The following STRADA variants were observed in gnomAD, a reference collection of about 807,000 sequenced individuals.
STRADA encodes STE20 related adaptor alpha, also known as STE20-related kinase adapter protein alpha.
STRADA carries 26 observed loss-of-function variants against 55.0 expected under a neutral mutation model. That is an observed-to-expected ratio of 0.47 (90% CI 0.35 to 0.66). The LOEUF (loss-of-function observed/expected upper bound fraction) is 0.66. Ranked by LOEUF, STRADA falls within the 30% of genes least tolerant of loss-of-function variation. STRADA has a pLI of 0.01. For missense variants in STRADA, 443 were observed against 549.7 expected (o/e 0.81, Z 1.94); for synonymous variants, 197 against 210.9 (o/e 0.93, Z 0.57).
In STRADA at chr17:63,713,429, T is replaced by C. The variant is rs1484482784; in HGVS notation, c.325A>G (p.Asn109Asp). Reference sequence around the variant, plus strand: ...ACCTGCAAGAATGTTACCATCTCATTGGAACAAGCTTCTAGGTTAATCCTC... The same window carrying C: ...ACCTGCAAGAATGTTACCATCTCATCGGAACAAGCTTCTAGGTTAATCCTC... Reference protein sequence around the residue: ...VRRINLEACSNEMVTFLQGEL... With the variant: ...VRRINLEACSDEMVTFLQGEL... Residue 109 changes from asparagine to aspartate, a missense_variant, in exon 6 of 13, where the codon AAT (asparagine) becomes GAT (aspartate). Coordinates refer to ENST00000336174, the MANE Select transcript of STRADA (RefSeq NM_001003787.4). The C allele has an allele frequency of 6.2e-7, 1 of 1,614,146 alleles. No homozygotes were observed. Among genetic ancestry groups the C allele is most frequent in the East Asian group, 2.2e-5 (1 of 44,876 alleles).
chr17:63,715,060 AGTCCTTT>A (rs1460968913), intron 4 of STRADA: 1 of 152,204 alleles, frequency 6.6e-6, no homozygotes, highest in Non-Finnish European at 1.5e-5. Context: ...AGGCAGAAAA[AGTCCTTT>A]GTGAAAGTAT....
In STRADA at chr17:63,707,278, A is replaced by C; in HGVS notation, c.722T>G (p.Leu241Arg). 6.2e-7 allele frequency: 1 copy of C among 1,614,206 alleles called. No homozygotes were observed. Among genetic ancestry groups the C allele is most frequent in the Non-Finnish European group, 8.5e-7 (1 of 1,180,032 alleles). ...HDFPKYSVKV[L>R]PWLSPEVLQQ... Reference sequence around the variant, plus strand: ...GAGGACCTCGGGGCTGAGCCACGGCAGAACCTTGACACTGTACTTGGGAAA... The same window carrying C: ...GAGGACCTCGGGGCTGAGCCACGGCCGAACCTTGACACTGTACTTGGGAAA... The change falls in exon 9 of 13, where the codon CTG becomes CGG. Residue 241 changes from leucine to arginine, a missense_variant. Leu to Arg is a moderately radical substitution (Grantham distance 102). Transcript: ENST00000336174.
intron 2 of STRADA, chr17:63,728,117 T>C (rs2037776413): frequency 3.9e-6 from 2 of 509,356 alleles, no homozygotes; most frequent in African/African-American, 2.0e-5. Context: ...ATTTCTTCTC[T>C]ATCAGACAAG....
chr17:63,731,354 C>T (rs1050425416), intron 1 of STRADA, among the ~76,000 whole-genome samples: 7 of 148,818 alleles, frequency 4.7e-5, no homozygotes, highest in African/African-American at 1.7e-4. Flanking sequence ...CCTCCGCCTC[C>T]TGGGTTCAAG....
At chr17:63,721,358 T>G (rs2037306848) in intron 4 of STRADA, among the ~76,000 whole-genome samples, 1 of 142,652 alleles carries the variant, frequency 7.0e-6, no homozygotes, top group South Asian at 2.2e-4. Flanking sequence ...GGTGACAGAG[T>G]GAGACACCGT....
chr17:63,712,301 G>T (rs905727001), intron 6 of STRADA, among the ~76,000 whole-genome samples: 1 of 152,100 alleles, frequency 6.6e-6, no homozygotes, highest in Non-Finnish European at 1.5e-5. Flanking sequence ...TCAAACTCCC[G>T]GGCTCAAGCA....
chr17:63,739,815 AT>A (rs2038752437), intron 1 of STRADA, among the ~76,000 whole-genome samples: 1 of 146,960 alleles, frequency 6.8e-6, no homozygotes, highest in South Asian at 2.1e-4. Flanking sequence ...GTATATACAT[AT>A]AATGTACATA....
chr17:63,704,620 TGGGGGGG>T, intron 10 of STRADA, 38 bp from the exon 11 acceptor site: 5 of 1,212,758 alleles, frequency 4.1e-6, no homozygotes, highest in Non-Finnish European at 5.3e-6. Flanking sequence ...CTGTAGCGGG[TGGGGGGG>T]GGGGGTGGTC....
At chr17:63,710,905 G>T in intron 6 of STRADA, 69 bp from the exon 7 acceptor site, 1 of 1,425,310 alleles carries the variant, frequency 7.0e-7, no homozygotes, top group East Asian at 2.3e-5. Context: ...CACAAAGATG[G>T]CAGCATGGAC....
intron 1 of STRADA, among the ~76,000 whole-genome samples, chr17:63,735,129 C>T (rs901122887): frequency 6.6e-6 from 1 of 152,188 alleles, no homozygotes; most frequent in Non-Finnish European, 1.5e-5. Flanking sequence ...CACACGCCAG[C>T]TTGGGTGACA....
At chr17:63,722,206 C>A (rs866333769) in intron 4 of STRADA, among the ~76,000 whole-genome samples, 6 of 152,282 alleles carry the variant, frequency 3.9e-5, no homozygotes, top group Middle Eastern at 3.4e-3. Flanking sequence ...GCATTTTATT[C>A]ATTTTGAAGC....
rs1309095081 is a variant in STRADA at position 63,740,107 on chromosome 17, T to TATATATATATATATATATACACAC, written c.-45+1633_-45+1634insGTGTGTATATATATATATATATAT. Among the ~76,000 whole-genome samples the TATATATATATATATATATACACAC allele has an allele frequency of 1.7e-3, 82 of 49,638 alleles. 5 individuals are homozygous for TATATATATATATATATATACACAC. Among genetic ancestry groups the TATATATATATATATATATACACAC allele is most frequent in the Middle Eastern group, 0.011 (1 of 90 alleles). 32.6% of individuals were successfully genotyped at this position (49,638 alleles called of 152,430 possible). Reference sequence around the variant, plus strand: ...AACACTATATATATATATATATATATACATACATACATATATATATACACA... The same window carrying TATATATATATATATATATACACAC: ...AACACTATATATATATATATATATATATATATATATATATATATACACACACATACATACATATATATATACACA... On this transcript the variant is annotated intron_variant, in intron 1 of 12. Transcript: ENST00000336174.
intron 4 of STRADA, among the ~76,000 whole-genome samples, chr17:63,722,371 A>G (rs1195413803): frequency 6.6e-6 from 1 of 152,252 alleles, no homozygotes; most frequent in African/African-American, 2.4e-5. Context: ...TTCACACAGG[A>G]TAACTTTTGA....
At chr17:63,726,994 C>T (rs957375785) in intron 2 of STRADA, 9 of 378,400 alleles carry the variant, frequency 2.4e-5, no homozygotes, top group African/African-American at 4.2e-5. Context: ...CCATCTTACT[C>T]GTTCTACATT....
intron 3 of STRADA, chr17:63,726,406 A>G (rs541252947): frequency 9.0e-6 from 4 of 446,126 alleles, no homozygotes; most frequent in African/African-American, 4.1e-5. Flanking sequence ...GAAAACATAT[A>G]TGCTTTTAAG....
At chr17:63,722,655 T>A (rs1192514487) in intron 4 of STRADA, among the ~76,000 whole-genome samples, 1 of 152,178 alleles carries the variant, frequency 6.6e-6, no homozygotes, top group African/African-American at 2.4e-5. Flanking sequence ...GAAGTCTAGG[T>A]AGGAAAGGTT....
rs1463290994 is a variant in STRADA, at chr17:63,706,721, C to G, written c.772G>C (p.Ala258Pro). 3.7e-6 allele frequency: 6 copies of G among 1,613,752 alleles called. No homozygotes were observed. Among genetic ancestry groups the G allele is most frequent in the Non-Finnish European group, 4.2e-6 (5 of 1,179,748 alleles). The change falls in exon 10 of 13, where the codon GCC (alanine) becomes CCC (proline). Residue 258 changes from alanine (A) to proline (P), a missense_variant. Ala to Pro is a conservative substitution (Grantham distance 27). Coordinates refer to ENST00000336174, the MANE Select transcript of STRADA (RefSeq NM_001003787.4). ...CCCACACTGTAGATGTCAGACTTGG[C>G]ATCATAACCCTGGAGATTCTAAGCC... ...VLQQNLQGYD[A>P]KSDIYSVGIT...
At position 63,703,557 on chromosome 17, in the gene STRADA, C is replaced by G; in HGVS notation, c.*42G>C. 6.3e-7 allele frequency: 1 copy of G among 1,580,158 alleles called. No individual in the cohort carries two copies. The highest frequency in any genetic ancestry group is 8.6e-7 in the Non-Finnish European group (1 of 1,159,736). On this transcript the variant is annotated 3_prime_UTR_variant, in exon 13 of 13. Coordinates refer to ENST00000336174, the MANE Select transcript of STRADA (RefSeq NM_001003787.4). ...CCCTCAGGAAGGGCCTCTGGGTGGC[C>G]TCTGCATCCCTGGCTGGAGAATGCG...
chr17:63,721,201 G>A (rs1354973205), intron 4 of STRADA, among the ~76,000 whole-genome samples: 5 of 150,800 alleles, frequency 3.3e-5, no homozygotes, highest in South Asian at 2.1e-4. Flanking sequence ...GTGAAACTCC[G>A]TCTCTATTAA....
Sources: allele counts gnomAD v4.1 joint callset (sites outside exome capture counted in the v4.1 genomes callset), GRCh38; gene constraint gnomAD v4.1.1; transcripts MANE v1.5; gene names NCBI Gene and HGNC (gene_info 2026-07-23, HGNC 2026-07-21).